The following RTN1 variants were observed in gnomAD, a reference collection of about 807,000 sequenced individuals.
RTN1 encodes the protein reticulon 1, also known as reticulon-1.
In RTN1, 25 loss-of-function variants were observed where a neutral mutation model predicts 65.5. The ratio of observed to expected loss-of-function variants is 0.38; its 90% CI spans 0.28 to 0.53. The LOEUF is 0.53. Among genes scored for constraint, RTN1 ranks in the 20% least tolerant of loss-of-function variants. RTN1 has a pLI of 0.79. For synonymous variants in RTN1, 471 were observed against 447.6 expected (o/e 1.05, Z -0.66); for missense variants, 983 against 1,025.4 (o/e 0.96, Z 0.57).
intron 2 of RTN1, among the ~76,000 whole-genome samples, chr14:59,731,202 T>G (rs1022575354): frequency 2.0e-5 from 3 of 152,202 alleles, no homozygotes; most frequent in Non-Finnish European, 2.9e-5. Context: ...CTGATATGTG[T>G]TACAACATGG....
At chr14:59,683,252 A>C (rs1401076664) in intron 3 of RTN1, among the ~76,000 whole-genome samples, 3 of 152,190 alleles carry the variant, frequency 2.0e-5, no homozygotes, top group African/African-American at 7.2e-5. Flanking sequence ...TAACACAATG[A>C]CTTATTTTCT....
chr14:59,625,358 G>C (rs1256671276), intron 3 of RTN1, among the ~76,000 whole-genome samples: 3 of 152,140 alleles, frequency 2.0e-5, no homozygotes, highest in African/African-American at 7.2e-5. Flanking sequence ...ACACTGCAGA[G>C]TGTCCCTCTG....
At chr14:59,619,004 G>A (rs1882183952) in intron 3 of RTN1, among the ~76,000 whole-genome samples, 1 of 152,202 alleles carries the variant, frequency 6.6e-6, no homozygotes, top group African/African-American at 2.4e-5. Flanking sequence ...TACTGTTGTA[G>A]GTGGCAAAAG....
At chr14:59,698,265 A>G (rs1055615364) in intron 3 of RTN1, among the ~76,000 whole-genome samples, 1 of 152,172 alleles carries the variant, frequency 6.6e-6, no homozygotes, top group African/African-American at 2.4e-5. Flanking sequence ...TTGTACAGTT[A>G]GTTTAAAAAT....
chr14:59,760,401 T>G (rs142946248), intron 1 of RTN1, among the ~76,000 whole-genome samples: 2 of 152,222 alleles, frequency 1.3e-5, no homozygotes, highest in African/African-American at 4.8e-5. Context: ...GAGGGTGGGA[T>G]AGGAGACCAG....
chr14:59,609,510 T>C (rs983369098), intron 3 of RTN1, among the ~76,000 whole-genome samples: 8 of 152,062 alleles, frequency 5.3e-5, no homozygotes, highest in Non-Finnish European at 5.9e-5. Context: ...TTGGAAGACA[T>C]GACCTGCAAT....
chr14:59,870,764 C>A lies in RTN1; in HGVS notation c.-134G>T. On this transcript the variant is annotated 5_prime_UTR_variant, in exon 1 of 9. Coordinates refer to ENST00000267484, the MANE Select transcript of RTN1 (RefSeq NM_021136.3). This position sits in a 1 kb window ranked among gnomAD's most constrained non-coding sequence, Gnocchi z 5.1. ...CTGCGGTGTCTCAGCGTCGCCGCCG[C>A]CTCTGCTGCAACTCCGCCGAGCCGC... 1 of 994,604 alleles carries A rather than the reference C, an allele frequency of 1.0e-6. No individual in the cohort carries two copies. The highest frequency in any genetic ancestry group is 1.3e-6 in the Non-Finnish European group (1 of 767,632). The allele number at this position is 994,604 out of a possible 1,614,324, so 61.6% of individuals were successfully genotyped here.
At chr14:59,810,148 T>C (rs922695191) in intron 1 of RTN1, among the ~76,000 whole-genome samples, 2 of 152,174 alleles carry the variant, frequency 1.3e-5, no homozygotes, top group Non-Finnish European at 2.9e-5. Flanking sequence ...AATGTTTGTA[T>C]AGCAACAGCC....
At chr14:59,856,789 T>C (rs1464625469) in intron 1 of RTN1, among the ~76,000 whole-genome samples, 3 of 152,190 alleles carry the variant, frequency 2.0e-5, no homozygotes, top group Non-Finnish European at 4.4e-5. Flanking sequence ...TCATTCTCTA[T>C]GGCATCTGAC....
intron 1 of RTN1, among the ~76,000 whole-genome samples, chr14:59,746,892 C>T (rs1008664036): frequency 6.6e-6 from 1 of 152,162 alleles, no homozygotes; most frequent in Non-Finnish European, 1.5e-5. Flanking sequence ...AGGATTGTAA[C>T]TGCAACAATA....
chr14:59,844,103 G>GA (rs1406169537), intron 1 of RTN1, among the ~76,000 whole-genome samples: 3 of 152,048 alleles, frequency 2.0e-5, no homozygotes, highest in Admixed American at 2.0e-4. Context: ...TCCTTTCTGG[G>GA]AAAAAGAACA....
intron 1 of RTN1, among the ~76,000 whole-genome samples, chr14:59,786,335 G>A (rs903312497): frequency 3.3e-5 from 5 of 152,172 alleles, no homozygotes; most frequent in African/African-American, 1.2e-4. Flanking sequence ...CCTGTAAAAT[G>A]GAGTGACTGG....
chr14:59,732,607 G>T (rs1884922434), intron 2 of RTN1, among the ~76,000 whole-genome samples: 2 of 152,174 alleles, frequency 1.3e-5, no homozygotes, highest in Admixed American at 6.5e-5. Flanking sequence ...CGGATCAGGA[G>T]ATCCCCTCAT....
At position 59,727,502 on chromosome 14, in the gene RTN1, G is replaced by T; in HGVS notation, c.1182C>A (p.Thr394=). ...CCTCGTGGTCCAGGGGGCTGGGGAT[G>T]GTTGGCGGTCCGGACCTGGCCTTGA... ...PEVKARSGPP[T]IPSPLDHEAS... Residue 394 remains threonine (T), a synonymous_variant, in exon 3 of 9, where the codon ACC becomes ACA. Coordinates refer to ENST00000267484, the MANE Select transcript of RTN1 (RefSeq NM_021136.3). This position sits in a 1 kb window ranked among gnomAD's most constrained non-coding sequence, Gnocchi z 4.2. 1.9e-6 allele frequency: 3 copies of T among 1,595,748 alleles called. No homozygotes were observed. The highest frequency in any genetic ancestry group is 2.6e-6 in the Non-Finnish European group (3 of 1,171,796).
chr14:59,621,432 T>C (rs1882252181), intron 3 of RTN1, among the ~76,000 whole-genome samples: 1 of 152,214 alleles, frequency 6.6e-6, no homozygotes, highest in African/African-American at 2.4e-5. Flanking sequence ...ACATTGGCTT[T>C]GAAATGAGAG....
At chr14:59,749,384 C>CTA (rs1566711701) in intron 1 of RTN1, among the ~76,000 whole-genome samples, 1 of 28,704 alleles carries the variant, frequency 3.5e-5, no homozygotes, top group African/African-American at 2.5e-4. Context: ...ATATCTATAT[C>CTA]TATATATATC....
intron 1 of RTN1, among the ~76,000 whole-genome samples, chr14:59,795,090 A>G (rs1460629782): frequency 1.3e-5 from 2 of 152,200 alleles, no homozygotes; most frequent in Admixed American, 6.5e-5. Flanking sequence ...TGAGTTCTAC[A>G]TGAAAATAAT....
intron 3 of RTN1, among the ~76,000 whole-genome samples, chr14:59,624,693 C>A (rs1426002806): frequency 2.0e-5 from 3 of 152,102 alleles, no homozygotes; most frequent in Non-Finnish European, 4.4e-5. Flanking sequence ...AACTCCTGAC[C>A]TCAGGTGGTC....
chr14:59,711,922 A>T (rs1245621264), intron 3 of RTN1, among the ~76,000 whole-genome samples: 1 of 152,182 alleles, frequency 6.6e-6, no homozygotes, highest in Non-Finnish European at 1.5e-5. Flanking sequence ...AGTGACATGT[A>T]TCATTTCCAG....
Sources: allele counts gnomAD v4.1 joint callset (sites outside exome capture counted in the v4.1 genomes callset), GRCh38; gene constraint gnomAD v4.1.1; non-coding constraint Gnocchi (gnomAD v3.1); transcripts MANE v1.5; gene names NCBI Gene and HGNC (gene_info 2026-07-23, HGNC 2026-07-21).